The following DCAF10 variants were observed in gnomAD, a reference collection of about 807,000 sequenced individuals.
The protein encoded by DCAF10 is DDB1 and CUL4 associated factor 10.
A neutral mutation model predicts 51.9 loss-of-function variants in DCAF10; 19 were observed. The observed-to-expected ratio is 0.37, with a 90% CI of 0.26 to 0.54. The LOEUF is 0.54. Ranked by LOEUF, DCAF10 falls within the 20% of genes least tolerant of loss-of-function variation. DCAF10 has a pLI of 0.87. For missense variants in DCAF10, 510 were observed against 730.6 expected, an observed-to-expected ratio of 0.70 and a Z score of 3.48; for synonymous variants, 291 against 297.1, an observed-to-expected ratio of 0.98 and a Z score of 0.21.
chr9:37,846,408 G>T (rs1028028126), intron 3 of DCAF10, among the ~76,000 whole-genome samples: 1 of 152,178 alleles, frequency 6.6e-6, no homozygotes, highest in African/African-American at 2.4e-5. Context: ...CAGATGAACA[G>T]ATAGACACCT....
chr9:37,819,421 A>C lies in DCAF10; in HGVS notation c.653+20A>C. Reference sequence around the variant, plus strand: ...TATCAGGTTAGTATTATAGTGAAAAAGTGAACTTTATCAGTGTGGCCCAAA... The same window carrying C: ...TATCAGGTTAGTATTATAGTGAAAACGTGAACTTTATCAGTGTGGCCCAAA... On this transcript the variant is annotated intron_variant, in intron 2 of 6. Transcript: ENST00000377724. 6.3e-7 allele frequency: 1 copy of C among 1,589,316 alleles called. No individual in the cohort carries two copies. Among genetic ancestry groups the C allele is most frequent in the Non-Finnish European group, 8.6e-7 (1 of 1,161,880 alleles).
intron 1 of DCAF10, among the ~76,000 whole-genome samples, chr9:37,814,102 ATATATATATATATATATATATATATTTGT>A (rs1334353288): frequency 9.9e-6 from 1 of 100,828 alleles, no homozygotes; most frequent in Admixed American, 9.8e-5. Flanking sequence ...ATATATATAT[ATATATATATATATATATATATATATTTGT>A]TGTTGTTGTT....
chr9:37,839,288 C>T (rs1830265109), intron 2 of DCAF10, among the ~76,000 whole-genome samples: 1 of 152,060 alleles, frequency 6.6e-6, no homozygotes, highest in African/African-American at 2.4e-5. Context: ...TCTTGAACTC[C>T]TGACCTTGTG....
chr9:37,856,311 A>T (rs1830847011), intron 4 of DCAF10, among the ~76,000 whole-genome samples: 1 of 152,242 alleles, frequency 6.6e-6, no homozygotes, highest in Non-Finnish European at 1.5e-5. Flanking sequence ...ACTTGCAAAC[A>T]AGGGATTTCA....
intron 3 of DCAF10, among the ~76,000 whole-genome samples, chr9:37,844,190 A>AT (rs1392954509): frequency 3.3e-5 from 5 of 152,264 alleles, no homozygotes; most frequent in African/African-American, 1.2e-4. Context: ...AGTGGAAAAT[A>AT]TTAACAGCAT....
chr9:37,861,499 A>C lies in DCAF10; in HGVS notation c.1671A>C (p.Pro557=), dbSNP rs1831015748. ...CLSGRVSLYQ[P]KF ...GTGGACGGGTTTCTTTGTATCAGCCAAAGTTTTAGGCACAACTTACATCAA... is the reference window on the plus strand; with the variant it reads ...GTGGACGGGTTTCTTTGTATCAGCCCAAGTTTTAGGCACAACTTACATCAA... The change falls in exon 7 of 7, where the codon CCA becomes CCC. Residue 557 remains proline, a synonymous_variant. Coordinates refer to ENST00000377724, the MANE Select transcript of DCAF10 (RefSeq NM_024345.5). The surrounding 1 kb of genome is among the most constrained non-coding windows in gnomAD (Gnocchi z 4.9). 6.2e-7 allele frequency: 1 copy of C among 1,606,556 alleles called. No homozygotes were observed. The highest frequency in any genetic ancestry group is 1.3e-5 in the African/African-American group (1 of 74,752).
chr9:37,857,107 C>A, intron 4 of DCAF10, 134 bp from the exon 5 acceptor site: 1 of 549,828 alleles, frequency 1.8e-6, no homozygotes, highest in Non-Finnish European at 3.1e-6. Context: ...TTGCCTTCCT[C>A]AGTCTTATAG....
chr9:37,800,770 G>T (rs1288285796), upstream of DCAF10: 8 of 1,527,182 alleles, frequency 5.2e-6, no homozygotes, highest in East Asian at 1.2e-4. Flanking sequence ...AGCCGGTGGG[G>T]TTAGGCCGCT....
At chr9:37,850,864 ATATATATATATATATAT>A (rs1564048854) in intron 3 of DCAF10, among the ~76,000 whole-genome samples, 5 of 83,562 alleles carry the variant, frequency 6.0e-5, no homozygotes, top group Admixed American at 1.2e-4. Flanking sequence ...ATATATATAT[ATATATATATATATATAT>A]AAATTAGCTT....
At chr9:37,806,119 A>G (rs1851557329) in intron 1 of DCAF10, among the ~76,000 whole-genome samples, 1 of 152,170 alleles carries the variant, frequency 6.6e-6, no homozygotes, top group African/African-American at 2.4e-5. Context: ...ATAAAAGAAC[A>G]GTACCTCTTA....
chr9:37,807,045 T>G (rs1455725351), intron 1 of DCAF10, among the ~76,000 whole-genome samples: 2 of 152,218 alleles, frequency 1.3e-5, no homozygotes, highest in Non-Finnish European at 2.9e-5. Flanking sequence ...TATTAATATA[T>G]TTAAACAAAT....
chr9:37,822,460 C>T (rs923405840), intron 2 of DCAF10, among the ~76,000 whole-genome samples: 2 of 133,280 alleles, frequency 1.5e-5, no homozygotes, highest in South Asian at 2.6e-4. Flanking sequence ...TATTACTCAG[C>T]CATAAAAAGG....
rs192736301 is a variant in DCAF10 at position 37,806,497 on chromosome 9, C to G, written c.539+5092C>G. On this transcript the variant is annotated intron_variant, in intron 1 of 6. Coordinates refer to ENST00000377724, the MANE Select transcript of DCAF10 (RefSeq NM_024345.5). Reference sequence around the variant, plus strand: ...CTTCCCTAAGAGTAGGGCTGCCTACCTTTCTCATATCACTCTCACATGGCC... The same window carrying G: ...CTTCCCTAAGAGTAGGGCTGCCTACGTTTCTCATATCACTCTCACATGGCC... Among the ~76,000 whole-genome samples the G allele has an allele frequency of 1.7e-3, 259 of 152,288 alleles. 1 individual carries two copies. Among genetic ancestry groups the G allele is most frequent in the African/African-American group, 5.5e-3 (230 of 41,554 alleles).
chr9:37,814,112 A>G (rs1469737846), intron 1 of DCAF10, among the ~76,000 whole-genome samples: 1,198 of 87,156 alleles, frequency 0.014, 38 homozygotes, highest in African/African-American at 0.051. Flanking sequence ...ATATATATAT[A>G]TATATATATA....
At chr9:37,860,273 C>A in intron 6 of DCAF10, 80 bp downstream of exon 6, 1 of 1,557,176 alleles carries the variant, frequency 6.4e-7, no homozygotes, top group South Asian at 1.2e-5. Flanking sequence ...TTAGGCCGAT[C>A]GCTGACTGCA....
At chr9:37,828,795 A>T (rs1489585058) in intron 2 of DCAF10, among the ~76,000 whole-genome samples, 1 of 152,210 alleles carries the variant, frequency 6.6e-6, no homozygotes, top group African/African-American at 2.4e-5. Flanking sequence ...GGCTATATAT[A>T]TGAAAAAATA....
In DCAF10 at chr9:37,829,001, A is replaced by T. The variant is rs1218736208; in HGVS notation, c.653+9600A>T. Among the ~76,000 whole-genome samples the T allele has an allele frequency of 6.6e-6, 1 of 152,254 alleles. No individual in the cohort carries two copies. ...GATTGATCAGTTCAACTGCATAAAA[A>T]TTTTAAACTTCATTGTAACCAAACG... On this transcript the variant is annotated intron_variant, in intron 2 of 6. Transcript: ENST00000377724. This position sits in a 1 kb window ranked among gnomAD's most constrained non-coding sequence, Gnocchi z 4.2.
intron 5 of DCAF10, 94 bp from the exon 6 acceptor site, chr9:37,859,954 C>CA (rs1478539058): frequency 3.6e-5 from 51 of 1,433,792 alleles, no homozygotes; most frequent in Non-Finnish European, 4.9e-5. Flanking sequence ...GGAATGACGG[C>CA]ATGGGAGGTG....
intron 1 of DCAF10, among the ~76,000 whole-genome samples, chr9:37,809,394 TAAA>T (rs60722292): frequency 2.3e-5 from 3 of 129,146 alleles, no homozygotes; most frequent in East Asian, 2.3e-4. Flanking sequence ...GGAAATATAG[TAAA>T]AAAAAAAAAA....
Sources: allele counts gnomAD v4.1 joint callset (sites outside exome capture counted in the v4.1 genomes callset), GRCh38; gene constraint gnomAD v4.1.1; non-coding constraint Gnocchi (gnomAD v3.1); transcripts MANE v1.5; gene names NCBI Gene and HGNC (gene_info 2026-07-23, HGNC 2026-07-21).